ERC2: variants seen among roughly 807,000 people sequenced by gnomAD.
ERC2 encodes the protein ELKS/RAB6-interacting/CAST family member 2, also known as ERC protein 2.
ERC2 carries 42 observed loss-of-function variants against 114.8 expected under a neutral mutation model. That is an observed-to-expected ratio of 0.37 (90% confidence interval 0.29 to 0.47). ERC2 has a LOEUF of 0.47. Ranked by LOEUF, ERC2 falls within the 20% of genes least tolerant of loss-of-function variation. The pLI, the probability that ERC2 is intolerant of heterozygous loss-of-function variation, is 0.99. For missense variants in ERC2, 939 were observed against 1,150.7 expected (o/e 0.82, Z 2.66); for synonymous variants, 454 against 425.5 (o/e 1.07, Z -0.82).
chr3:56,295,480 C>T (rs997727514), intron 3 of ERC2, among the ~76,000 whole-genome samples: 1 of 152,208 alleles, frequency 6.6e-6, no homozygotes, highest in Non-Finnish European at 1.5e-5. Context: ...CTCAGAAAAC[C>T]TGTAATACTC....
intron 2 of ERC2, among the ~76,000 whole-genome samples, chr3:56,411,514 T>C (rs760897973): frequency 1.3e-5 from 2 of 152,130 alleles, no homozygotes; most frequent in African/African-American, 4.8e-5. Flanking sequence ...TGTTCCTTGC[T>C]ATAGTTTAAA....
intron 2 of ERC2, among the ~76,000 whole-genome samples, chr3:56,322,108 C>T (rs2057153617): frequency 6.6e-6 from 1 of 152,144 alleles, no homozygotes; most frequent in African/African-American, 2.4e-5. Context: ...GTGGCAGTTT[C>T]CTCATTTGTA....
At chr3:56,384,668 T>C (rs1576694542) in intron 2 of ERC2, among the ~76,000 whole-genome samples, 1 of 152,150 alleles carries the variant, frequency 6.6e-6, no homozygotes, top group African/African-American at 2.4e-5. Flanking sequence ...TTTTTCACCT[T>C]GATAGTGTTT....
chr3:55,815,350 G>A (rs1369605731), intron 14 of ERC2, among the ~76,000 whole-genome samples: 7 of 152,162 alleles, frequency 4.6e-5, no homozygotes. Flanking sequence ...GACGAGCTTT[G>A]CCTTTAAAAC....
intron 14 of ERC2, among the ~76,000 whole-genome samples, chr3:55,759,065 T>G (rs2067244034): frequency 6.6e-6 from 1 of 152,210 alleles, no homozygotes; most frequent in African/African-American, 2.4e-5. Context: ...TTTTTACTCC[T>G]TGACAATTAA....
intron 14 of ERC2, among the ~76,000 whole-genome samples, chr3:55,876,312 C>T (rs2062839373): frequency 2.0e-5 from 3 of 151,956 alleles, no homozygotes; most frequent in Non-Finnish European, 2.9e-5. Context: ...GGCAGAGAAA[C>T]CCTATGAATT....
chr3:56,050,934 G>A (rs2075733362), intron 7 of ERC2, among the ~76,000 whole-genome samples: 1 of 152,146 alleles, frequency 6.6e-6, no homozygotes, highest in South Asian at 2.1e-4. Context: ...AGCAGCTCTG[G>A]AACAGCTCCT....
At chr3:55,911,180 A>C (rs984222961) in intron 13 of ERC2, among the ~76,000 whole-genome samples, 3 of 152,216 alleles carry the variant, frequency 2.0e-5, no homozygotes, top group African/African-American at 7.2e-5. Context: ...TTACAAATTT[A>C]AAAAAGAAAA....
chr3:56,063,764 T>G (rs555123613), intron 7 of ERC2, among the ~76,000 whole-genome samples: 1 of 152,326 alleles, frequency 6.6e-6, no homozygotes, highest in Non-Finnish European at 1.5e-5. Context: ...GTGTATAAAG[T>G]TTTTAAAATA....
chr3:55,639,054 T>C (rs1322213419), intron 17 of ERC2, among the ~76,000 whole-genome samples: 1 of 152,170 alleles, frequency 6.6e-6, no homozygotes, highest in Non-Finnish European at 1.5e-5. Flanking sequence ...ACCAGGCAAA[T>C]TGCTCATTGG....
intron 17 of ERC2, among the ~76,000 whole-genome samples, chr3:55,607,374 CTG>C (rs1241188685): frequency 6.6e-6 from 1 of 152,158 alleles, no homozygotes; most frequent in East Asian, 1.9e-4. Context: ...CCAGCCAAGA[CTG>C]GGGTGGGTCA....
chr3:56,112,607 T>C (rs894944173), intron 6 of ERC2, among the ~76,000 whole-genome samples: 1 of 152,138 alleles, frequency 6.6e-6, no homozygotes, highest in Non-Finnish European at 1.5e-5. Context: ...TAAAAGGTGA[T>C]CCTGGAATTT....
intron 14 of ERC2, among the ~76,000 whole-genome samples, chr3:55,817,087 G>A (rs767583871): frequency 5.9e-5 from 9 of 152,262 alleles, no homozygotes; most frequent in South Asian, 2.1e-4. Context: ...GTTTCTACCC[G>A]TCTCCAATAA....
chr3:56,151,226 A>T (rs2081395145), intron 4 of ERC2, among the ~76,000 whole-genome samples: 1 of 152,046 alleles, frequency 6.6e-6, no homozygotes, highest in African/African-American at 2.4e-5. Context: ...GCCACCAAGT[A>T]CAACTAATTC....
chr3:56,295,825 G>A (rs1179383180), intron 3 of ERC2, among the ~76,000 whole-genome samples, 194 bp downstream of exon 3: 5 of 152,172 alleles, frequency 3.3e-5, no homozygotes, highest in Admixed American at 6.5e-5. Flanking sequence ...AATAATAATG[G>A]AATGCATGTG....
At position 56,175,610 on chromosome 3, in the gene ERC2, T is replaced by C. The variant is rs542226236; in HGVS notation, c.1075-2090A>G. On this transcript the variant is annotated intron_variant, in intron 3 of 17. Coordinates refer to ENST00000288221, the MANE Select transcript of ERC2 (RefSeq NM_015576.3). Reference sequence around the variant, plus strand: ...TCAGCACTACCAAATGAAGAAGATGTTATGTGTGGTGAGTACAGTAGGCTG... The same window carrying C: ...TCAGCACTACCAAATGAAGAAGATGCTATGTGTGGTGAGTACAGTAGGCTG... Among the ~76,000 whole-genome samples, 3 of 152,242 alleles carry C rather than the reference T, an allele frequency of 2.0e-5. No individual in the cohort carries two copies. The East Asian group carries it at 5.8e-4, about 29-fold the overall frequency.
In ERC2 at chr3:55,638,468, C is replaced by A. The variant is rs200997547; in HGVS notation, c.*39+45326G>T. On this transcript the variant is annotated intron_variant, in intron 17 of 17. Transcript: ENST00000288221. ...GTTGTGCATAGCTTTGGCATTACGT[C>A]AGTGAATTTAGTCCTTCCTGAGCTA... Among the ~76,000 whole-genome samples the A allele has an allele frequency of 4.6e-5, 7 of 152,296 alleles. No individual in the cohort carries two copies. In the South Asian group the frequency reaches 8.3e-4, roughly 18 times the overall value.
intron 14 of ERC2, among the ~76,000 whole-genome samples, chr3:55,879,623 C>G (rs1200010017): frequency 2.0e-5 from 3 of 152,190 alleles, no homozygotes; most frequent in African/African-American, 7.2e-5. Context: ...CATGCATACA[C>G]ATACATGTCT....
intron 1 of ERC2, among the ~76,000 whole-genome samples, chr3:56,443,673 T>C (rs186411575): frequency 6.6e-6 from 1 of 152,022 alleles, no homozygotes. Context: ...TTTTTTTTGG[T>C]TGTTGTCTCC....
Sources: gnomAD v4.1 joint callset for allele counts (sites outside exome capture counted in the v4.1 genomes callset) on GRCh38, gnomAD v4.1.1 for gene constraint, MANE v1.5 for transcripts, NCBI Gene and HGNC (gene_info 2026-07-23, HGNC 2026-07-21) for gene names.